CELF4: variants seen among roughly 807,000 people sequenced by gnomAD.
CELF4 encodes CUG-BP- and ETR-3-like factor 4.
In CELF4, 18 loss-of-function variants were observed where a neutral mutation model predicts 59.9. The observed-to-expected ratio is 0.30, with a 90% CI of 0.21 to 0.45. The LOEUF is 0.45. Among genes scored for constraint, CELF4 ranks in the 20% least tolerant of loss-of-function variants. CELF4 has a pLI of 1.00. For missense variants in CELF4, 456 were observed against 689.0 expected (o/e 0.66, Z 3.79); for synonymous variants, 261 against 267.1 (o/e 0.98, Z 0.22).
Position 37,423,123 on chromosome 18 carries a change from G to GAGAGAGTC in CELF4, c.369+62394_369+62401dup, listed in dbSNP as rs1301731244. 4.9e-3 allele frequency among the ~76,000 whole-genome samples: 740 copies of GAGAGAGTC among 151,918 alleles called. 4 individuals carry two copies. The highest frequency in any genetic ancestry group is 0.016 in the African/African-American group (663 of 41,336). Reference sequence around the variant, plus strand: ...AGAGAGACAGACAGACAGACAGACAGAGAGAGTCAGAGAGACAGAGAGACT... The same window carrying GAGAGAGTC: ...AGAGAGACAGACAGACAGACAGACAGAGAGAGTCAGAGAGTCAGAGAGACAGAGAGACT... On this transcript the variant is annotated intron_variant, in intron 2 of 12. Coordinates refer to ENST00000420428, the MANE Select transcript of CELF4 (RefSeq NM_020180.4).
At chr18:37,348,666 G>A (rs961886701) in intron 2 of CELF4, among the ~76,000 whole-genome samples, 7 of 152,144 alleles carry the variant, frequency 4.6e-5, no homozygotes, top group Admixed American at 1.3e-4. Context: ...TGGCTTTTGC[G>A]GTTTCTATCC....
intron 1 of CELF4, among the ~76,000 whole-genome samples, chr18:37,523,449 AC>A (rs1167120965): frequency 6.6e-6 from 1 of 151,952 alleles, no homozygotes; most frequent in African/African-American, 2.4e-5. Flanking sequence ...TAACCCTGGG[AC>A]CCTGAGCCAC....
intron 1 of CELF4, chr18:37,485,839 C>G (rs994362920): frequency 1.1e-5 from 4 of 353,730 alleles, no homozygotes; most frequent in African/African-American, 8.5e-5. Context: ...CGCGGAGTCT[C>G]CCCACCCTGC....
intron 1 of CELF4, among the ~76,000 whole-genome samples, chr18:37,553,418 C>A (rs1006483428): frequency 6.6e-6 from 1 of 152,094 alleles, no homozygotes; most frequent in Non-Finnish European, 1.5e-5. Context: ...CTTGTGGGGG[C>A]ATTTGGAGAT....
At chr18:37,293,265 T>A (rs549895098) in intron 3 of CELF4, among the ~76,000 whole-genome samples, 1 of 152,240 alleles carries the variant, frequency 6.6e-6, no homozygotes, top group Non-Finnish European at 1.5e-5. Flanking sequence ...AAATCAAGGT[T>A]TGGACAGGGC....
At chr18:37,298,302 C>T (rs2095792710) in intron 3 of CELF4, among the ~76,000 whole-genome samples, 1 of 152,196 alleles carries the variant, frequency 6.6e-6, no homozygotes, top group African/African-American at 2.4e-5. Context: ...GCCATGTCCA[C>T]CTCTCCTGTG....
chr18:37,520,615 G>A (rs1050860254), intron 1 of CELF4, among the ~76,000 whole-genome samples: 2 of 152,132 alleles, frequency 1.3e-5, no homozygotes, highest in Non-Finnish European at 2.9e-5. Flanking sequence ...GAGCCTAGAA[G>A]CCACTGGTGC....
intron 3 of CELF4, among the ~76,000 whole-genome samples, chr18:37,276,922 C>T (rs1267590981): frequency 6.6e-6 from 1 of 152,242 alleles, no homozygotes; most frequent in Non-Finnish European, 1.5e-5. Context: ...TTCATGGTTT[C>T]CTCTGAGCAC....
chr18:37,352,665 A>G (rs1464724011), intron 2 of CELF4, among the ~76,000 whole-genome samples: 1 of 152,126 alleles, frequency 6.6e-6, no homozygotes, highest in Admixed American at 6.5e-5. Context: ...CTGGCCCTAG[A>G]GCTGGTGTTC....
At chr18:37,538,217 T>C (rs1438535974) in intron 1 of CELF4, among the ~76,000 whole-genome samples, 1 of 152,222 alleles carries the variant, frequency 6.6e-6, no homozygotes, top group Non-Finnish European at 1.5e-5. Context: ...CTCTGTACTG[T>C]GTGCCTAGGG....
intron 1 of CELF4, among the ~76,000 whole-genome samples, chr18:37,530,547 C>A (rs997267494): frequency 1.3e-5 from 2 of 152,106 alleles, no homozygotes; most frequent in Non-Finnish European, 2.9e-5. Flanking sequence ...CTCCCCCTAC[C>A]CCCTGCCACC....
intron 3 of CELF4, among the ~76,000 whole-genome samples, chr18:37,286,084 T>C (rs2094724850): frequency 6.6e-6 from 1 of 152,068 alleles, no homozygotes; most frequent in Non-Finnish European, 1.5e-5. Flanking sequence ...AGCAGGGCTA[T>C]TCCAGCATGG....
intron 2 of CELF4, among the ~76,000 whole-genome samples, chr18:37,344,570 G>A (rs532240690): frequency 5.3e-5 from 8 of 152,374 alleles, no homozygotes; most frequent in African/African-American, 1.4e-4. Flanking sequence ...GGTCTTTGCC[G>A]AGGTGAGGAA....
At chr18:37,441,093 TC>T (rs1164611791) in intron 2 of CELF4, among the ~76,000 whole-genome samples, 8 of 152,180 alleles carry the variant, frequency 5.3e-5, no homozygotes, top group Non-Finnish European at 1.2e-4. Context: ...AGACTGTCTC[TC>T]CCCGCTGGAC....
At chr18:37,251,866 A>G (rs1406375189) in intron 12 of CELF4, among the ~76,000 whole-genome samples, 1 of 152,208 alleles carries the variant, frequency 6.6e-6, no homozygotes, top group African/African-American at 2.4e-5. Flanking sequence ...GAAGGTGCCC[A>G]AACTCTGAAT....
chr18:37,411,588 G>A (rs1254738056), intron 2 of CELF4, among the ~76,000 whole-genome samples: 6 of 152,186 alleles, frequency 3.9e-5, no homozygotes, highest in Admixed American at 6.5e-5. Context: ...GGTGAAGAAC[G>A]TTAGGTATTA....
intron 2 of CELF4, among the ~76,000 whole-genome samples, chr18:37,324,412 T>C (rs1474010075): frequency 2.0e-5 from 3 of 151,958 alleles, no homozygotes; most frequent in Non-Finnish European, 4.4e-5. Flanking sequence ...GAGAAAACCA[T>C]AGGAGGACAC....
intron 3 of CELF4, among the ~76,000 whole-genome samples, chr18:37,282,957 G>A (rs1339958742): frequency 6.6e-6 from 1 of 152,168 alleles, no homozygotes; most frequent in Admixed American, 6.5e-5. Context: ...AAGAAGGCTG[G>A]AGGAGACATC....
chr18:37,565,022 G>A (rs1423753468), intron 1 of CELF4, among the ~76,000 whole-genome samples: 1 of 151,880 alleles, frequency 6.6e-6, no homozygotes, highest in Admixed American at 6.6e-5. Flanking sequence ...GGGCTCGACC[G>A]GTGCAGCCTT....
Sources: allele counts gnomAD v4.1 joint callset (sites outside exome capture counted in the v4.1 genomes callset), GRCh38; gene constraint gnomAD v4.1.1; transcripts MANE v1.5; gene names NCBI Gene and HGNC (gene_info 2026-07-23, HGNC 2026-07-21).